ADAM7: variants seen among roughly 807,000 people sequenced by gnomAD.
The protein encoded by ADAM7 is disintegrin and metalloproteinase domain-containing protein 7.
ADAM7 carries 97 observed loss-of-function variants against 102.9 expected under a neutral mutation model. The observed-to-expected ratio is 0.94, with a 90% CI of 0.80 to 1.12. The LOEUF (loss-of-function observed/expected upper bound fraction) is 1.12. ADAM7 is among the 50% of genes most tolerant of loss of function. The probability of loss-of-function intolerance (pLI) is 0.00; values close to 1 mark genes in which losing one functional copy is unlikely to be tolerated. For synonymous variants in ADAM7, 334 were observed against 304.4 expected, an observed-to-expected ratio of 1.10 and a Z score of -1.01; for missense variants, 991 against 908.7, an observed-to-expected ratio of 1.09 and a Z score of -1.16.
At chr8:24,459,432 C>T (rs1819161121) in intron 3 of ADAM7, among the ~76,000 whole-genome samples, 2 of 150,822 alleles carry the variant, frequency 1.3e-5, no homozygotes, top group South Asian at 4.2e-4. Flanking sequence ...CAATTGTCGA[C>T]CTTTTATTTA....
intron 16 of ADAM7, among the ~76,000 whole-genome samples, chr8:24,494,162 A>T (rs1820476259): frequency 6.6e-6 from 1 of 152,192 alleles, no homozygotes. Context: ...GTACAGTGTG[A>T]TAGAGAAATA....
intron 6 of ADAM7, chr8:24,467,765 TTA>T (rs1273924754): frequency 6.6e-6 from 1 of 152,228 alleles, no homozygotes; most frequent in Non-Finnish European, 1.5e-5. Flanking sequence ...TATTGGTGTT[TTA>T]TAGACATAAA....
At chr8:24,445,221 A>C (rs1443489944) in intron 2 of ADAM7, among the ~76,000 whole-genome samples, 2 of 152,080 alleles carry the variant, frequency 1.3e-5, no homozygotes, top group Non-Finnish European at 2.9e-5. Flanking sequence ...ATCATGTTGC[A>C]AAATGTGACC....
Position 24,460,263 on chromosome 8 carries a change from T to A in ADAM7, c.234-3619T>A, listed in dbSNP as rs148405666. 7.8e-3 allele frequency among the ~76,000 whole-genome samples: 1,185 copies of A among 152,222 alleles called. 11 individuals carry two copies. The highest frequency in any genetic ancestry group is 0.01 in the Non-Finnish European group (712 of 67,976). ...GATGTATCTTTTGTAAGATGGAAAT[T>A]AGTTTGGTCCTGATTTTTAATGCCT... On this transcript the variant is annotated intron_variant, in intron 3 of 21. Coordinates refer to ENST00000175238, the MANE Select transcript of ADAM7 (RefSeq NM_003817.4).
At chr8:24,471,005 T>C (rs1819583483) in intron 7 of ADAM7, among the ~76,000 whole-genome samples, 1 of 152,010 alleles carries the variant, frequency 6.6e-6, no homozygotes, top group South Asian at 2.1e-4. Context: ...GATATGGAGG[T>C]GAAGACAATG....
At chr8:24,441,205 G>A (rs760553007) in intron 1 of ADAM7, 45 bp downstream of exon 1, 3 of 1,554,706 alleles carry the variant, frequency 1.9e-6, no homozygotes, top group South Asian at 2.2e-5. Context: ...TATGCTGTGA[G>A]GTTGTGTCTC....
At chr8:24,456,407 G>T (rs1819035015) in intron 3 of ADAM7, among the ~76,000 whole-genome samples, 1 of 151,972 alleles carries the variant, frequency 6.6e-6, no homozygotes, top group South Asian at 2.1e-4. Flanking sequence ...CCATAATTTG[G>T]CTATTGTGAA....
At chr8:24,488,144 G>A (rs1057032282) in intron 11 of ADAM7, among the ~76,000 whole-genome samples, 4 of 151,946 alleles carry the variant, frequency 2.6e-5, no homozygotes, top group Non-Finnish European at 5.9e-5. Context: ...ATTTATAACT[G>A]TACTCTTCTG....
chr8:24,443,362 A>C (rs1818438895), intron 2 of ADAM7, among the ~76,000 whole-genome samples: 1 of 152,200 alleles, frequency 6.6e-6, no homozygotes, highest in Admixed American at 6.5e-5. Flanking sequence ...GATACACTTC[A>C]CTTTTCTAAA....
In ADAM7 at chr8:24,493,227, A is replaced by T; in HGVS notation, c.1840A>T (p.Met614Leu). The T allele has an allele frequency of 1.3e-6, 2 of 1,592,944 alleles. No individual in the cohort carries two copies. The highest frequency in any genetic ancestry group is 1.7e-6 in the Non-Finnish European group (2 of 1,172,378). The change falls in exon 16 of 22, where the codon ATG becomes TTG. Residue 614 changes from methionine (M) to leucine (L), a missense_variant and splice_region_variant. By Grantham distance (15) the Met-to-Leu change is conservative (BLOSUM62 2). Transcript: ENST00000175238. ...VASGTKCGEG[M>L]VCNNGECLNM... The stretch of plus-strand genomic sequence containing the variant: ...GTCAGGAACAAAATGTGGAGAGGGA[A>T]TGGTAAGACAAAAGCCCTTTGTTTT...
intron 8 of ADAM7, among the ~76,000 whole-genome samples, chr8:24,479,301 G>A (rs1819870891): frequency 6.6e-6 from 1 of 152,142 alleles, no homozygotes; most frequent in African/African-American, 2.4e-5. Flanking sequence ...ATTGGTAGGA[G>A]ATCTTGAATG....
At position 24,502,525 on chromosome 8, in the gene ADAM7, ATAT is replaced by A. The variant is rs796369095; in HGVS notation, c.2208+955_2208+957del. On this transcript the variant is annotated intron_variant, in intron 20 of 21. Transcript: ENST00000175238. The stretch of plus-strand genomic sequence containing the variant: ...TCCAGCCAGTCTAACTAGTTAGTAC[ATAT>A]TATTAACATCAAGAATCAGAAAGGC... Among the ~76,000 whole-genome samples, 30 of 152,204 alleles carry A rather than the reference ATAT, an allele frequency of 2.0e-4. No individual in the cohort carries two copies. The East Asian group carries it at 5.0e-3, about 25-fold the overall frequency.
chr8:24,499,056 T>C (rs1272368264), intron 16 of ADAM7, among the ~76,000 whole-genome samples, 180 bp from the exon 17 acceptor site: 1 of 152,022 alleles, frequency 6.6e-6, no homozygotes, highest in East Asian at 1.9e-4. Flanking sequence ...CCACAGAAAA[T>C]ACTACATGTG....
At chr8:24,472,112 A>T (rs1819625146) in intron 7 of ADAM7, among the ~76,000 whole-genome samples, 1 of 147,642 alleles carries the variant, frequency 6.8e-6, no homozygotes, top group Admixed American at 6.7e-5. Flanking sequence ...AACAAAGTAT[A>T]AAAAGATAAC....
rs774701143 is a variant in ADAM7 at position 24,447,176 on chromosome 8, T to C, written c.157-10T>C. 6.6e-7 allele frequency: 1 copy of C among 1,519,206 alleles called. No homozygotes were observed. The highest frequency in any genetic ancestry group is 9.0e-7 in the Non-Finnish European group (1 of 1,110,552). 94.1% of individuals were successfully genotyped at this position (1,519,206 alleles called of 1,614,324 possible). On this transcript the variant is annotated splice_polypyrimidine_tract_variant and intron_variant, in intron 2 of 21. Transcript: ENST00000175238. The stretch of plus-strand genomic sequence containing the variant: ...CATGTTGAAGTCACGTGATGCCTCT[T>C]CTTTTTTAGAAAACGTATGAAGAAG...
chr8:24,473,572 A>G (rs1313721043), intron 7 of ADAM7, among the ~76,000 whole-genome samples: 1 of 152,204 alleles, frequency 6.6e-6, no homozygotes, highest in Non-Finnish European at 1.5e-5. Flanking sequence ...TAGAATCAAC[A>G]TTGGAGGAAA....
chr8:24,470,272 A>G (rs532869559), intron 7 of ADAM7, among the ~76,000 whole-genome samples: 1 of 152,186 alleles, frequency 6.6e-6, no homozygotes, highest in Admixed American at 6.5e-5. Context: ...CTAAAGTATC[A>G]GGCAAGGATA....
intron 15 of ADAM7, 73 bp downstream of exon 15, chr8:24,492,670 C>A: frequency 9.2e-7 from 1 of 1,090,354 alleles, no homozygotes; most frequent in Admixed American, 2.0e-5. Flanking sequence ...GCTCCTGTCC[C>A]CAGACCTGTT....
rs1398208265 is a variant in ADAM7, at chr8:24,446,890, A to C, written c.157-296A>C. On this transcript the variant is annotated intron_variant, in intron 2 of 21. Coordinates refer to ENST00000175238, the MANE Select transcript of ADAM7 (RefSeq NM_003817.4). ...TTATAACATGCTATGTTATAATATA[A>C]ATAGTTGTAATATAACTAATAATAT... is the stretch of plus-strand genomic sequence containing the variant. Among the ~76,000 whole-genome samples the C allele has an allele frequency of 2.0e-5, 3 of 148,908 alleles. No homozygotes were observed. In the East Asian group the frequency reaches 5.8e-4, roughly 29 times the overall value.
Sources: allele counts gnomAD v4.1 joint callset (sites outside exome capture counted in the v4.1 genomes callset), GRCh38; gene constraint gnomAD v4.1.1; transcripts MANE v1.5; gene names NCBI Gene and HGNC (gene_info 2026-07-23, HGNC 2026-07-21).